Variants in KCNH5 observed in about 807,000 individuals in gnomAD.
The protein encoded by KCNH5 is potassium voltage-gated channel subfamily H member 5.
A neutral mutation model predicts 96.1 loss-of-function variants in KCNH5; 46 were observed. That is an observed-to-expected ratio of 0.48 (90% confidence interval 0.38 to 0.61). The LOEUF (loss-of-function observed/expected upper bound fraction) is 0.61, where lower values mean the gene tolerates loss of function less well. Ranked by LOEUF, KCNH5 falls within the 20% of genes least tolerant of loss-of-function variation. The pLI is 0.00. For synonymous variants in KCNH5, 439 were observed against 449.8 expected (o/e 0.98, Z 0.30); for missense variants, 907 against 1,225.8 (o/e 0.74, Z 3.88).
intron 8 of KCNH5, among the ~76,000 whole-genome samples, chr14:62,808,433 T>C (rs181036177): frequency 1.4e-4 from 21 of 152,230 alleles, no homozygotes; most frequent in African/African-American, 5.1e-4. Flanking sequence ...TGATCTGCTC[T>C]TTCACAAAAA....
chr14:62,920,676 A>G (rs1361652121), intron 7 of KCNH5, among the ~76,000 whole-genome samples: 1 of 152,204 alleles, frequency 6.6e-6, no homozygotes, highest in Non-Finnish European at 1.5e-5. Context: ...ATCAAGAAAT[A>G]AAAATTACAA....
Position 62,867,504 on chromosome 14 carries a change from C to T in KCNH5, c.1370-17652G>A, listed in dbSNP as rs142494977. Among the ~76,000 whole-genome samples, 507 of 152,294 alleles carry T rather than the reference C, an allele frequency of 3.3e-3. 2 individuals carry two copies. The highest frequency in any genetic ancestry group is 4.2e-3 in the Admixed American group (64 of 15,294). ...AATTATGACCAATTCTTAACTACAT[C>T]CACAGCTACCATCCATGCTCAACCC... On this transcript the variant is annotated intron_variant, in intron 7 of 10. Transcript: ENST00000322893.
At chr14:62,824,084 A>G (rs1042582351) in intron 8 of KCNH5, among the ~76,000 whole-genome samples, 10 of 152,016 alleles carry the variant, frequency 6.6e-5, no homozygotes, top group Non-Finnish European at 7.4e-5. Flanking sequence ...CCCAGAGAGA[A>G]AAAAAAATTC....
chr14:63,027,616 G>C (rs1303366181), intron 1 of KCNH5, among the ~76,000 whole-genome samples: 1 of 11,312 alleles, frequency 8.8e-5, no homozygotes, highest in East Asian at 3.3e-3. Context: ...TTTGAAAAAT[G>C]GTATTGAAGA....
intron 1 of KCNH5, among the ~76,000 whole-genome samples, chr14:63,029,213 G>T (rs149474214): frequency 6.6e-6 from 1 of 152,044 alleles, no homozygotes; most frequent in Non-Finnish European, 1.5e-5. Flanking sequence ...GTTATCAAGT[G>T]GTAAACATTT....
chr14:62,717,126 G>C (rs1210897477), intron 10 of KCNH5, among the ~76,000 whole-genome samples: 1 of 152,056 alleles, frequency 6.6e-6, no homozygotes, highest in Non-Finnish European at 1.5e-5. Context: ...ACAAAACATA[G>C]ACATATATTA....
At chr14:62,818,107 G>GA (rs1244441747) in intron 8 of KCNH5, among the ~76,000 whole-genome samples, 1 of 113,036 alleles carries the variant, frequency 8.8e-6, no homozygotes, top group Admixed American at 8.8e-5. Flanking sequence ...AGGAGCTGGG[G>GA]GCGGGGGGGG....
At chr14:62,920,801 C>T (rs1889367774) in intron 7 of KCNH5, among the ~76,000 whole-genome samples, 1 of 152,088 alleles carries the variant, frequency 6.6e-6, no homozygotes, top group South Asian at 2.1e-4. Context: ...GGAAAAAATA[C>T]TGTCTGAAAA....
chr14:62,864,954 A>G (rs1005040613), intron 7 of KCNH5, among the ~76,000 whole-genome samples: 1 of 152,184 alleles, frequency 6.6e-6, no homozygotes, highest in Non-Finnish European at 1.5e-5. Context: ...CCAGGAGGCT[A>G]ATACAGGCAG....
chr14:62,974,188 C>A (rs1363182116), intron 6 of KCNH5, among the ~76,000 whole-genome samples: 1 of 152,098 alleles, frequency 6.6e-6, no homozygotes, highest in Non-Finnish European at 1.5e-5. Context: ...TTATCTTTTC[C>A]CAATTTCATT....
intron 2 of KCNH5, among the ~76,000 whole-genome samples, chr14:63,007,829 C>T (rs1273508992): frequency 6.6e-6 from 1 of 152,102 alleles, no homozygotes; most frequent in African/African-American, 2.4e-5. Flanking sequence ...GTTAGAGGAA[C>T]ATACAAAACA....
intron 1 of KCNH5, among the ~76,000 whole-genome samples, chr14:63,037,142 A>G (rs1891736175): frequency 6.6e-6 from 1 of 152,182 alleles, no homozygotes; most frequent in African/African-American, 2.4e-5. Context: ...CCGTACTTAC[A>G]TGTACTGCCT....
At chr14:62,777,949 T>C (rs1299141475) in intron 10 of KCNH5, among the ~76,000 whole-genome samples, 1 of 152,136 alleles carries the variant, frequency 6.6e-6, no homozygotes, top group African/African-American at 2.4e-5. Flanking sequence ...GCCCCTTGCA[T>C]TGCAAATGTG....
intron 8 of KCNH5, among the ~76,000 whole-genome samples, chr14:62,818,584 T>C (rs1041661220): frequency 6.6e-6 from 1 of 152,138 alleles, no homozygotes; most frequent in Non-Finnish European, 1.5e-5. Context: ...TCAAATAGCA[T>C]ACCACTACTC....
At chr14:62,918,686 G>T (rs1889322517) in intron 7 of KCNH5, among the ~76,000 whole-genome samples, 2 of 151,956 alleles carry the variant, frequency 1.3e-5, no homozygotes, top group African/African-American at 4.8e-5. Context: ...TTCAAATTCA[G>T]ACAAGCAGAG....
chr14:62,818,957 T>TTATTTATTTTATC (rs1181075524), intron 8 of KCNH5, among the ~76,000 whole-genome samples: 1 of 152,116 alleles, frequency 6.6e-6, no homozygotes, highest in East Asian at 1.9e-4. Flanking sequence ...TATTCTTTAT[T>TTATTTATTTTATC]TATTTATTTT....
chr14:62,765,841 C>T (rs1885848233), intron 10 of KCNH5, among the ~76,000 whole-genome samples: 1 of 151,884 alleles, frequency 6.6e-6, no homozygotes, highest in South Asian at 2.1e-4. Context: ...AATGAACAAA[C>T]GGGATCACAT....
In KCNH5 at chr14:63,016,824, T is replaced by A. The variant is rs1379596862; in HGVS notation, c.197+7A>T. ...AGAAAAGATTACTTAGCTATTCTGT[T>A]ACCTACCTGCAAGTGCTGCTTTTCT... On this transcript the variant is annotated splice_region_variant and intron_variant, in intron 2 of 10. Transcript: ENST00000322893. 3.1e-6 allele frequency: 5 copies of A among 1,604,900 alleles called. No homozygotes were observed. Among genetic ancestry groups the A allele is most frequent in the Middle Eastern group, 1.7e-4 (1 of 6,020 alleles).
chr14:63,018,504 T>C (rs1419697330), intron 1 of KCNH5, among the ~76,000 whole-genome samples: 4 of 152,010 alleles, frequency 2.6e-5, no homozygotes, highest in Non-Finnish European at 4.4e-5. Context: ...AGGTAGAAGA[T>C]GAATTTCAGA....
Sources: gnomAD v4.1 joint callset for allele counts (sites outside exome capture counted in the v4.1 genomes callset) on GRCh38, gnomAD v4.1.1 for gene constraint, MANE v1.5 for transcripts, NCBI Gene and HGNC (gene_info 2026-07-23, HGNC 2026-07-21) for gene names.